SHISA9: variants seen among roughly 807,000 people sequenced by gnomAD.
SHISA9 encodes shisa family member 9.
In SHISA9, 13 loss-of-function variants were observed where a neutral mutation model predicts 38.0. The observed-to-expected ratio is 0.34, with a 90% confidence interval of 0.22 to 0.54. SHISA9 has a LOEUF of 0.54. Among genes scored for constraint, SHISA9 ranks in the 20% least tolerant of loss-of-function variants. The pLI is 0.91. For synonymous variants in SHISA9, 275 were observed against 242.0 expected (o/e 1.14, Z -1.27); for missense variants, 538 against 575.8 (o/e 0.93, Z 0.67).
chr16:13,360,762 C>G, the SHISA9 span, among the ~76,000 whole-genome samples: 3 of 152,264 alleles, frequency 2.0e-5, no homozygotes, highest in South Asian at 6.2e-4. Flanking sequence ...GAATTTACAC[C>G]AACAGGACAA....
chr16:13,111,688 C>A (rs1198678835), intron 2 of SHISA9, among the ~76,000 whole-genome samples: 4 of 152,078 alleles, frequency 2.6e-5, no homozygotes, highest in Non-Finnish European at 4.4e-5. Context: ...GGATGAAATT[C>A]AAATCTTACC....
At chr16:13,185,390 A>G (rs919728646) in intron 2 of SHISA9, among the ~76,000 whole-genome samples, 1 of 152,034 alleles carries the variant, frequency 6.6e-6, no homozygotes, top group African/African-American at 2.4e-5. Context: ...TTTGGTAGAG[A>G]TGGAGGTCTT....
At chr16:13,427,849 T>A in the SHISA9 span, among the ~76,000 whole-genome samples, 1 of 152,150 alleles carries the variant, frequency 6.6e-6, no homozygotes, top group Admixed American at 6.5e-5. Flanking sequence ...ACAAACCCAC[T>A]CAATAATGGG....
At chr16:13,383,440 C>T in the SHISA9 span, among the ~76,000 whole-genome samples, 1 of 152,042 alleles carries the variant, frequency 6.6e-6, no homozygotes, top group Non-Finnish European at 1.5e-5. Context: ...AGTATTCTGC[C>T]ATTTATGGAG....
chr16:13,040,318 T>C (rs1445170989), intron 2 of SHISA9, among the ~76,000 whole-genome samples: 1 of 152,180 alleles, frequency 6.6e-6, no homozygotes, highest in East Asian at 1.9e-4. Context: ...CTTAAACACA[T>C]GGTGCTTCTC....
At chr16:13,513,527 A>C in the SHISA9 span, among the ~76,000 whole-genome samples, 2 of 152,242 alleles carry the variant, frequency 1.3e-5, no homozygotes, top group Non-Finnish European at 2.9e-5. Flanking sequence ...CTATAAAGAC[A>C]TATGCACATG....
chr16:13,492,361 G>C, the SHISA9 span, among the ~76,000 whole-genome samples: 1 of 152,182 alleles, frequency 6.6e-6, no homozygotes, highest in Non-Finnish European at 1.5e-5. Context: ...TTCTTGGAGA[G>C]CCTCTGGGTC....
At chr16:13,270,368 T>G in the SHISA9 span, among the ~76,000 whole-genome samples, 1 of 152,166 alleles carries the variant, frequency 6.6e-6, no homozygotes, top group African/African-American at 2.4e-5. Flanking sequence ...ACTGGAATTT[T>G]GAAAGGAGAT....
At chr16:13,371,095 C>T in the SHISA9 span, among the ~76,000 whole-genome samples, 4 of 152,152 alleles carry the variant, frequency 2.6e-5, no homozygotes, top group South Asian at 2.1e-4. Context: ...TACAATCCTA[C>T]GTGGTAGATT....
At chr16:13,445,150 C>T in the SHISA9 span, among the ~76,000 whole-genome samples, 1 of 151,756 alleles carries the variant, frequency 6.6e-6, no homozygotes, top group South Asian at 2.1e-4. Flanking sequence ...GTGTGAGCCA[C>T]TGCACTCAGC....
the SHISA9 span, among the ~76,000 whole-genome samples, chr16:13,554,557 T>A: frequency 6.7e-6 from 1 of 150,282 alleles, no homozygotes; most frequent in African/African-American, 2.5e-5. Flanking sequence ...AGTAGTTCAA[T>A]CTTGTCTCAC....
At chr16:13,379,032 T>C in the SHISA9 span, among the ~76,000 whole-genome samples, 4 of 152,172 alleles carry the variant, frequency 2.6e-5, no homozygotes, top group South Asian at 8.3e-4. Context: ...GAACCTCATC[T>C]CCTTCATCAC....
chr16:13,023,580 C>T (rs914324231), intron 2 of SHISA9, among the ~76,000 whole-genome samples: 4 of 152,158 alleles, frequency 2.6e-5, no homozygotes, highest in Non-Finnish European at 4.4e-5. Flanking sequence ...TTCTAGATCC[C>T]TGAGGAATCG....
intron 2 of SHISA9, among the ~76,000 whole-genome samples, chr16:13,038,989 G>T (rs2073104303): frequency 6.6e-6 from 1 of 152,110 alleles, no homozygotes; most frequent in Non-Finnish European, 1.5e-5. Flanking sequence ...GCTCACTGCA[G>T]CCTCCACCTC....
chr16:13,170,396 A>C (rs1373710730), intron 2 of SHISA9, among the ~76,000 whole-genome samples: 1 of 152,032 alleles, frequency 6.6e-6, no homozygotes, highest in Non-Finnish European at 1.5e-5. Flanking sequence ...TGTTGCTATA[A>C]AGCAATACCC....
chr16:13,202,986 T>C (rs1277630766), intron 2 of SHISA9, among the ~76,000 whole-genome samples: 3 of 152,220 alleles, frequency 2.0e-5, no homozygotes, highest in African/African-American at 7.2e-5. Context: ...ACTCATGTCC[T>C]TCAATCCCTT....
the SHISA9 span, among the ~76,000 whole-genome samples, chr16:13,412,398 T>C: frequency 1.7e-4 from 26 of 152,244 alleles, no homozygotes; most frequent in Admixed American, 2.6e-4. Context: ...CAGATGTTCA[T>C]ACCATCTCTT....
At chr16:13,477,464 A>C in the SHISA9 span, among the ~76,000 whole-genome samples, 1 of 152,224 alleles carries the variant, frequency 6.6e-6, no homozygotes. Context: ...CAACATGGCA[A>C]GTGCAGGGAA....
At chr16:13,539,313 T>TAA in the SHISA9 span, among the ~76,000 whole-genome samples, 1 of 47,104 alleles carries the variant, frequency 2.1e-5, no homozygotes, top group East Asian at 5.2e-3. Flanking sequence ...CATATATATA[T>TAA]ATATAAAGAC....
Sources: allele counts gnomAD v4.1 joint callset (sites outside exome capture counted in the v4.1 genomes callset), GRCh38; gene constraint gnomAD v4.1.1; transcripts MANE v1.5; gene names NCBI Gene and HGNC (gene_info 2026-07-23, HGNC 2026-07-21).